ARHGEF17: variants seen among roughly 807,000 people sequenced by gnomAD.
ARHGEF17 encodes 164 kDa Rho-specific guanine-nucleotide exchange factor.
Under a neutral mutation model 174.0 loss-of-function variants are expected in ARHGEF17, and 80 were observed. The observed-to-expected ratio is 0.46, with a 90% CI of 0.38 to 0.55. The LOEUF (loss-of-function observed/expected upper bound fraction) is 0.55, where lower values mean the gene tolerates loss of function less well. Ranked by LOEUF, ARHGEF17 falls within the 20% of genes least tolerant of loss-of-function variation. The pLI is 0.00. For synonymous variants in ARHGEF17, 1,311 were observed against 1,189.1 expected, an observed-to-expected ratio of 1.10 and a Z score of -2.11; for missense variants, 2,886 against 2,839.7, an observed-to-expected ratio of 1.02 and a Z score of -0.37.
chr11:73,361,487 C>T (rs1214991831), intron 12 of ARHGEF17, among the ~76,000 whole-genome samples: 2 of 152,082 alleles, frequency 1.3e-5, no homozygotes. Flanking sequence ...TGCATGTATC[C>T]ATGATTATAT....
At chr11:73,344,097 C>T (rs1352785364) in intron 1 of ARHGEF17, among the ~76,000 whole-genome samples, 1 of 152,206 alleles carries the variant, frequency 6.6e-6, no homozygotes, top group Non-Finnish European at 1.5e-5. Context: ...GTGCCCACCT[C>T]AGTGCCCGGT....
In ARHGEF17 at chr11:73,310,062, T is replaced by C; in HGVS notation, c.1424T>C (p.Leu475Pro). The change falls in exon 1 of 21, where the codon CTC (leucine) becomes CCC (proline). Residue 475 changes from leucine (L) to proline (P), a missense_variant. By Grantham distance (98) the Leu-to-Pro change is moderately conservative. Coordinates refer to ENST00000263674, the MANE Select transcript of ARHGEF17 (RefSeq NM_014786.4). ...PDIASETLTL[L>P]SFLRSDLSEL... Reference sequence around the variant, plus strand: ...ATCGCCTCAGAGACCCTGACGCTTCTCAGTTTCCTGCGCTCAGACCTTTCA... The same window carrying C: ...ATCGCCTCAGAGACCCTGACGCTTCCCAGTTTCCTGCGCTCAGACCTTTCA... 6.2e-7 allele frequency: 1 copy of C among 1,614,144 alleles called. No individual in the cohort carries two copies. The highest frequency in any genetic ancestry group is 8.5e-7 in the Non-Finnish European group (1 of 1,180,008).
chr11:73,364,459 C>A lies in ARHGEF17; in HGVS notation c.5409C>A (p.Phe1803Leu). The change falls in exon 18 of 21, where the codon TTC becomes TTA. Residue 1803 changes from phenylalanine to leucine, a missense_variant. Physicochemically the swap from Phe to Leu is conservative, Grantham distance 22. Around this residue, in one of 4 missense-constraint regions of ARHGEF17, gnomAD observed 329 missense variants for 435.2 expected, o/e 0.76. Transcript: ENST00000263674. ...TTCTTTACCCCACTCCAGGCCATTT[C>A]TGGGACCCCCAGAACTTCAAATCAG... ...LVVYQREAGH[F>L]WDPQNFKSVT... 6.2e-7 allele frequency: 1 copy of A among 1,613,408 alleles called. No homozygotes were observed. The highest frequency in any genetic ancestry group is 8.5e-7 in the Non-Finnish European group (1 of 1,179,956).
At position 73,308,495 on chromosome 11, in the gene ARHGEF17, C is replaced by T. The variant is rs1037930395; in HGVS notation, c.-144C>T. 5 of 730,812 alleles carry T rather than the reference C, an allele frequency of 6.8e-6. No individual in the cohort carries two copies. The highest frequency in any genetic ancestry group is 9.8e-6 in the Non-Finnish European group (5 of 509,056). 45.3% of individuals were successfully genotyped at this position (730,812 alleles called of 1,614,324 possible). On this transcript the variant is annotated 5_prime_UTR_variant, in exon 1 of 21. Transcript: ENST00000263674. ...AGAAACTTGAGCCGCGGCAGAGAAA[C>T]CTCTGCTCCGGTCTCTGCGTCCTCT...
intron 1 of ARHGEF17, among the ~76,000 whole-genome samples, chr11:73,317,795 G>A (rs1049700542): frequency 6.6e-6 from 1 of 152,136 alleles, no homozygotes; most frequent in African/African-American, 2.4e-5. Flanking sequence ...TCAGGCTGCT[G>A]GGCTCTGTGC....
rs1216330723 is a variant in ARHGEF17, at chr11:73,368,979, TG to T, written c.*1202del. ...TGGTTTTGGTTTTGTTTGGGGTGGG[TG>T]GGTCATTGCGGTCTTAGATTATGTT... On this transcript the variant is annotated 3_prime_UTR_variant, in exon 21 of 21. Coordinates refer to ENST00000263674, the MANE Select transcript of ARHGEF17 (RefSeq NM_014786.4). 1 of 152,394 alleles carries T rather than the reference TG, an allele frequency of 6.6e-6. No homozygotes were observed. The highest frequency in any genetic ancestry group is 6.5e-5 in the Admixed American group (1 of 15,278). 9.4% of individuals were successfully genotyped at this position (152,394 alleles called of 1,614,324 possible).
At position 73,310,071 on chromosome 11, in the gene ARHGEF17, T is replaced by C; in HGVS notation, c.1433T>C (p.Leu478Pro). The C allele has an allele frequency of 2.5e-6, 4 of 1,614,188 alleles. No individual in the cohort carries two copies. Among genetic ancestry groups the C allele is most frequent in the South Asian group, 1.1e-5 (1 of 91,086 alleles). Residue 478 changes from leucine (L) to proline (P), a missense_variant, in exon 1 of 21, where the codon CTG (leucine) becomes CCG (proline). Around this residue, in one of 4 missense-constraint regions of ARHGEF17, gnomAD observed 1,728 missense variants for 1,461.2 expected, o/e 1.18. Coordinates refer to ENST00000263674, the MANE Select transcript of ARHGEF17 (RefSeq NM_014786.4). ...GAGACCCTGACGCTTCTCAGTTTCC[T>C]GCGCTCAGACCTTTCAGAGCTGAGG... Reference protein sequence around the residue: ...ASETLTLLSFLRSDLSELRVR... With the variant: ...ASETLTLLSFPRSDLSELRVR...
intron 1 of ARHGEF17, among the ~76,000 whole-genome samples, chr11:73,334,056 G>T (rs918824748): frequency 6.6e-6 from 1 of 152,264 alleles, no homozygotes; most frequent in African/African-American, 2.4e-5. Flanking sequence ...CATGGAAGCT[G>T]CTGGAACAAG....
chr11:73,352,266 G>A (rs1383684653), intron 2 of ARHGEF17, among the ~76,000 whole-genome samples: 2 of 152,198 alleles, frequency 1.3e-5, no homozygotes, highest in African/African-American at 4.8e-5. Flanking sequence ...GGAGGTTGCA[G>A]TGAGTTGAGA....
intron 1 of ARHGEF17, among the ~76,000 whole-genome samples, chr11:73,321,974 G>A (rs11826806): frequency 2.3e-4 from 35 of 152,198 alleles, no homozygotes; most frequent in Non-Finnish European, 4.7e-4. Flanking sequence ...CTGTGGAGCA[G>A]GAAGCGGGGA....
intron 1 of ARHGEF17, among the ~76,000 whole-genome samples, chr11:73,343,902 C>T (rs1045365673): frequency 2.0e-5 from 3 of 152,154 alleles, no homozygotes; most frequent in Admixed American, 6.5e-5. Context: ...TCTGAGCTGG[C>T]GGGCCTGGTT....
rs1235579155 is a variant in ARHGEF17 at position 73,310,045 on chromosome 11, A to T, written c.1407A>T (p.Ser469=). ...CCCTGTCAAATCCAGATATCGCCTC[A>T]GAGACCCTGACGCTTCTCAGTTTCC... ...RKSLSNPDIA[S]ETLTLLSFLR... is the part of the protein sequence containing the mutation. The change falls in exon 1 of 21, where the codon TCA becomes TCT. Residue 469 remains serine (S), a synonymous_variant. Coordinates refer to ENST00000263674, the MANE Select transcript of ARHGEF17 (RefSeq NM_014786.4). 1 of 1,614,198 alleles carries T rather than the reference A, an allele frequency of 6.2e-7. No individual in the cohort carries two copies.
Position 73,308,276 on chromosome 11 carries a change from A to C in ARHGEF17, c.-363A>C. Reference sequence around the variant, plus strand: ...CTCTGCCGCAAAGTTTATTTGCAACAAAAGGGTGCCAGGAGCGAGCAGCCA... The same window carrying C: ...CTCTGCCGCAAAGTTTATTTGCAACCAAAGGGTGCCAGGAGCGAGCAGCCA... On this transcript the variant is annotated 5_prime_UTR_variant, in exon 1 of 21. Transcript: ENST00000263674. 9.7e-6 allele frequency: 2 copies of C among 205,308 alleles called. No homozygotes were observed. Among genetic ancestry groups the C allele is most frequent in the Non-Finnish European group, 9.7e-6 (1 of 103,034 alleles). The allele number at this position is 205,308 out of a possible 1,614,324, so 12.7% of individuals were successfully genotyped here. A position where few individuals can be genotyped will look rare whatever the true frequency, so the allele number is the denominator to read the frequency against.
intron 1 of ARHGEF17, among the ~76,000 whole-genome samples, chr11:73,319,373 T>G (rs1008055278): frequency 6.6e-6 from 1 of 152,328 alleles, no homozygotes; most frequent in Middle Eastern, 3.4e-3. Context: ...CCTTCCTCCT[T>G]CTTTAAGAAC....
chr11:73,364,610 G>C lies in ARHGEF17; in HGVS notation c.5550+10G>C. 1 of 1,602,106 alleles carries C rather than the reference G, an allele frequency of 6.2e-7. No homozygotes were observed. Among genetic ancestry groups the C allele is most frequent in the African/African-American group, 1.3e-5 (1 of 74,170 alleles). On this transcript the variant is annotated intron_variant, in intron 18 of 20. Coordinates refer to ENST00000263674, the MANE Select transcript of ARHGEF17 (RefSeq NM_014786.4). ...CACGCTGCAGCTGGAGGTAGCAGGG[G>C]GTGGGGGAATGGAATTGGTGCCATG...
chr11:73,341,295 A>G (rs897515195), intron 1 of ARHGEF17, among the ~76,000 whole-genome samples: 2 of 152,054 alleles, frequency 1.3e-5, no homozygotes, highest in East Asian at 1.9e-4. Context: ...TAAAACTGGT[A>G]TTTTTTCTTT....
chr11:73,367,495 AT>A, intron 20 of ARHGEF17, 88 bp from the exon 21 acceptor site: 1 of 1,145,448 alleles, frequency 8.7e-7, no homozygotes, highest in Non-Finnish European at 1.2e-6. Context: ...CTTCCTTCCT[AT>A]CTTCTGGGGT....
chr11:73,363,056 A>G, intron 14 of ARHGEF17, 150 bp from the exon 15 acceptor site: 1 of 1,135,352 alleles, frequency 8.8e-7, no homozygotes, highest in Non-Finnish European at 1.2e-6. Context: ...TGAGCAGGGC[A>G]GCAGGGCAGC....
intron 1 of ARHGEF17, among the ~76,000 whole-genome samples, chr11:73,335,424 C>G (rs1030654952): frequency 6.6e-5 from 10 of 152,176 alleles, no homozygotes; most frequent in Admixed American, 5.2e-4. Context: ...ATCTACTTCT[C>G]AAGCCCCACC....
Sources: gnomAD v4.1 joint callset for allele counts (sites outside exome capture counted in the v4.1 genomes callset) on GRCh38, gnomAD v4.1.1 for gene constraint, gnomAD v4.1.1 regional missense constraint, MANE v1.5 for transcripts, NCBI Gene and HGNC (gene_info 2026-07-23, HGNC 2026-07-21) for gene names.